Variants in ATP4B observed in about 807,000 individuals in gnomAD.
The protein encoded by ATP4B is ATPase H+/K+ transporting subunit beta, also known as potassium-transporting ATPase subunit beta.
A neutral mutation model predicts 35.3 loss-of-function variants in ATP4B; 27 were observed. The ratio of observed to expected loss-of-function variants is 0.76; its 90% CI spans 0.56 to 1.05. The LOEUF is 1.05. Among genes scored for constraint, ATP4B ranks in the 50% least tolerant of loss-of-function variants. ATP4B has a pLI of 0.00. For missense variants in ATP4B, 375 were observed against 384.8 expected (o/e 0.97, Z 0.21); for synonymous variants, 162 against 156.0 (o/e 1.04, Z -0.29).
At chr13:113,654,974 C>A (rs756069472) in intron 1 of ATP4B, 32 bp from the exon 2 acceptor site, 1 of 1,612,572 alleles carries the variant, frequency 6.2e-7, no homozygotes, top group African/African-American at 1.3e-5. Flanking sequence ...AAATTTACCA[C>A]GTCAGCCATT....
chr13:113,653,075 G>A lies in ATP4B; in HGVS notation c.356-3C>T. The A allele has an allele frequency of 1.2e-6, 2 of 1,605,308 alleles. No individual in the cohort carries two copies. Among genetic ancestry groups the A allele is most frequent in the Middle Eastern group, 1.7e-4 (1 of 5,940 alleles). On this transcript the variant is annotated splice_polypyrimidine_tract_variant and splice_region_variant and intron_variant, in intron 3 of 6. Coordinates refer to ENST00000335288, the MANE Select transcript of ATP4B (RefSeq NM_000705.4). ...CTCCTGGGCTGCTGGAGAGTAGCCT[G>A]CAGACGGACGCACCTGCCAGCCCTG...
Position 113,649,775 on chromosome 13 carries a change from T to TA in ATP4B, c.715-241dup, listed in dbSNP as rs1187056707. Among the ~76,000 whole-genome samples, 2 of 152,176 alleles carry TA rather than the reference T, an allele frequency of 1.3e-5. No individual in the cohort carries two copies. The highest frequency in any genetic ancestry group is 6.5e-5 in the Admixed American group (1 of 15,280). On this transcript the variant is annotated intron_variant, in intron 6 of 6. Transcript: ENST00000335288. This position sits in a 1 kb window ranked among gnomAD's most constrained non-coding sequence, Gnocchi z 4.7. Reference sequence around the variant, plus strand: ...AGGAGTAAATTCAGCTTCAAACTCTTACGATGATTAACGTAAAAATGAAAC... The same window carrying TA: ...AGGAGTAAATTCAGCTTCAAACTCTTAACGATGATTAACGTAAAAATGAAAC...
rs146718679 is a variant in ATP4B at position 113,653,399 on chromosome 13, C to T, written c.277G>A (p.Gly93Ser). Residue 93 changes from glycine to serine, a missense_variant, in exon 3 of 7, where the codon GGC (glycine) becomes AGC (serine). By Grantham distance (56) the Gly-to-Ser change is moderately conservative. Transcript: ENST00000335288. The part of the protein sequence containing the change: ...TLRPDVYGEK[G>S]LEIVYNVSDN... ...GAGACGTTGTAGACAATTTCCAGGC[C>T]TTTCTCCCCGTAAACATCCGGCCTT... 5 of 1,614,110 alleles carry T rather than the reference C, an allele frequency of 3.1e-6. No individual in the cohort carries two copies. In the African/African-American group the frequency reaches 5.3e-5, roughly 17 times the overall value.
rs866777428 is a variant in ATP4B at position 113,649,426 on chromosome 13, G to A, written c.824C>T (p.Pro275Leu). The A allele has an allele frequency of 1.9e-6, 3 of 1,587,222 alleles. No homozygotes were observed. The highest frequency in any genetic ancestry group is 2.3e-5 in the East Asian group (1 of 43,898). Residue 275 changes from proline to leucine, a missense_variant, in exon 7 of 7, where the codon CCC becomes CTC. Pro to Leu is a moderately conservative substitution (Grantham distance 98, BLOSUM62 -3). Coordinates refer to ENST00000335288, the MANE Select transcript of ATP4B (RefSeq NM_000705.4). The surrounding 1 kb of genome is among the most constrained non-coding windows in gnomAD (Gnocchi z 4.7). ...VMAEHVTFNNPHDPYEGKVEF... is the reference protein window; with the variant it reads ...VMAEHVTFNNLHDPYEGKVEF... ...CACTTTCCCTTCATACGGGTCGTGG[G>A]GATTGTTGAAGGTCACGTGCTCCGC...
chr13:113,652,651 G>A (rs1429459401), intron 4 of ATP4B: 2 of 648,660 alleles, frequency 3.1e-6, no homozygotes. Context: ...TGTTTTAGAG[G>A]GCCGGCTATG....
At chr13:113,653,997 C>T (rs939747817) in intron 2 of ATP4B, among the ~76,000 whole-genome samples, 4 of 152,148 alleles carry the variant, frequency 2.6e-5, no homozygotes, top group African/African-American at 4.8e-5. Flanking sequence ...AGGAACAGCC[C>T]GCCATCCACA....
rs1037730234 is a variant in ATP4B, at chr13:113,657,954, T to A, written c.112+79A>T. 2.9e-5 allele frequency: 36 copies of A among 1,225,532 alleles called. No individual in the cohort carries two copies. In the South Asian group the frequency reaches 4.2e-4, roughly 14 times the overall value. 75.9% of individuals were successfully genotyped at this position (1,225,532 alleles called of 1,614,324 possible). A position where few individuals can be genotyped will look rare whatever the true frequency, so the allele number is the denominator to read the frequency against. On this transcript the variant is annotated intron_variant, in intron 1 of 6. Transcript: ENST00000335288. ...CACTGTCAGGGGCCCTCTGCTCCCC[T>A]CCTCCTGAGCTCACCTGGAGGCTGC...
rs561169762 is a variant in ATP4B at position 113,650,728 on chromosome 13, G to A, written c.613-221C>T. On this transcript the variant is annotated intron_variant, in intron 5 of 6. Coordinates refer to ENST00000335288, the MANE Select transcript of ATP4B (RefSeq NM_000705.4). This position sits in a 1 kb window ranked among gnomAD's most constrained non-coding sequence, Gnocchi z 5.0. ...ATGCAAAATGCCCAGTGACCCCTCC[G>A]TGTGCCTCTAACAACTTGAAATGTT... Among the ~76,000 whole-genome samples, 84 of 152,278 alleles carry A rather than the reference G, an allele frequency of 5.5e-4. 2 individuals carry two copies. The South Asian group carries it at 0.016, about 29-fold the overall frequency.
chr13:113,655,066 C>T (rs970428235), intron 1 of ATP4B, 124 bp from the exon 2 acceptor site: 31 of 1,344,330 alleles, frequency 2.3e-5, no homozygotes, highest in Non-Finnish European at 2.5e-5. Context: ...GAACATTCTC[C>T]TCCCCCAAAA....
At position 113,658,151 on chromosome 13, in the gene ATP4B, T is replaced by G; in HGVS notation, c.-7A>C. On this transcript the variant is annotated 5_prime_UTR_variant, in exon 1 of 7. Coordinates refer to ENST00000335288, the MANE Select transcript of ATP4B (RefSeq NM_000705.4). ...TCTCCTGCAGAGCCGCCATCGTCCC[T>G]GGCCTGAGATCCTCCCGTCTGCTCC... The G allele has an allele frequency of 6.2e-7, 1 of 1,609,898 alleles. No individual in the cohort carries two copies. The highest frequency in any genetic ancestry group is 1.1e-5 in the South Asian group (1 of 90,324).
chr13:113,655,251 A>G (rs1294786983), intron 1 of ATP4B, among the ~76,000 whole-genome samples: 1 of 152,152 alleles, frequency 6.6e-6, no homozygotes, highest in African/African-American at 2.4e-5. Flanking sequence ...GTGGCCGAGG[A>G]TGCGCCACCA....
Position 113,649,199 on chromosome 13 carries a change from G to A in ATP4B, c.*175C>T, listed in dbSNP as rs1352453327. The stretch of plus-strand genomic sequence containing the variant: ...ATTCAACAAGGAAGAACTGATACTC[G>A]CGAGCAGGTCCTTCAGATGTGGGCG... On this transcript the variant is annotated 3_prime_UTR_variant, in exon 7 of 7. Coordinates refer to ENST00000335288, the MANE Select transcript of ATP4B (RefSeq NM_000705.4). This position sits in a 1 kb window ranked among gnomAD's most constrained non-coding sequence, Gnocchi z 4.7. The A allele has an allele frequency of 1.5e-5, 9 of 592,680 alleles. No individual in the cohort carries two copies. The highest frequency in any genetic ancestry group is 3.7e-5 in the Admixed American group (1 of 27,150). 36.7% of individuals were successfully genotyped at this position (592,680 alleles called of 1,614,324 possible).
In ATP4B at chr13:113,653,332, G is replaced by A; in HGVS notation, c.344C>T (p.Ala115Val). ...TWADLTQTLH[A>V]FLAGYSPAAQ... The stretch of plus-strand genomic sequence containing the variant: ...GTTTCACACCTCACCTGCTAGGAAG[G>A]CGTGGAGAGTCTGTGTGAGGTCTGC... The change falls in exon 3 of 7, where the codon GCC becomes GTC. Residue 115 changes from alanine (A) to valine (V), a missense_variant. Physicochemically the swap from Ala to Val is moderately conservative, Grantham distance 64. Transcript: ENST00000335288. 6.2e-7 allele frequency: 1 copy of A among 1,613,222 alleles called. No individual in the cohort carries two copies. The highest frequency in any genetic ancestry group is 8.5e-7 in the Non-Finnish European group (1 of 1,179,572).
Position 113,649,592 on chromosome 13 carries a change from G to C in ATP4B, c.715-57C>G, listed in dbSNP as rs534682984. On this transcript the variant is annotated intron_variant, in intron 6 of 6. Transcript: ENST00000335288. This position sits in a 1 kb window ranked among gnomAD's most constrained non-coding sequence, Gnocchi z 4.7. ...TCAAAAATCTCTGAAGTTAAGGAGA[G>C]AAAACTAAGCAAGGAAGTGTCAACA... 315 of 1,443,568 alleles carry C rather than the reference G, an allele frequency of 2.2e-4. No individual in the cohort carries two copies. Among genetic ancestry groups the C allele is most frequent in the Admixed American group, 3.1e-4 (11 of 35,288 alleles). 89.4% of individuals were successfully genotyped at this position (1,443,568 alleles called of 1,614,324 possible). A position where few individuals can be genotyped will look rare whatever the true frequency, so the allele number is the denominator to read the frequency against.
Position 113,649,249 on chromosome 13 carries a change from A to G in ATP4B, c.*125T>C. On this transcript the variant is annotated 3_prime_UTR_variant, in exon 7 of 7. Coordinates refer to ENST00000335288, the MANE Select transcript of ATP4B (RefSeq NM_000705.4). This position sits in a 1 kb window ranked among gnomAD's most constrained non-coding sequence, Gnocchi z 4.7. ...GCTTCTCTGGAGTTCGCACACTGAC[A>G]ACACCGTTGCTCCAAACCACTTTGG... 2.5e-6 allele frequency: 3 copies of G among 1,212,092 alleles called. No individual in the cohort carries two copies. Among genetic ancestry groups the G allele is most frequent in the Non-Finnish European group, 2.3e-6 (2 of 885,152 alleles). 75.1% of individuals were successfully genotyped at this position (1,212,092 alleles called of 1,614,324 possible). A position where few individuals can be genotyped will look rare whatever the true frequency, so the allele number is the denominator to read the frequency against.
rs570827420 is a variant in ATP4B, at chr13:113,650,298, A to G, written c.714+108T>C. On this transcript the variant is annotated intron_variant, in intron 6 of 6. Transcript: ENST00000335288. The surrounding 1 kb of genome is among the most constrained non-coding windows in gnomAD (Gnocchi z 5.0). ...CGTTCCAGTCAGGACCGGCTAAGTCACACCTTTGTTTCATTTTTCTACATG... is the reference window on the plus strand; with the variant it reads ...CGTTCCAGTCAGGACCGGCTAAGTCGCACCTTTGTTTCATTTTTCTACATG... The G allele has an allele frequency of 9.2e-7, 1 of 1,092,450 alleles. No homozygotes were observed. Among genetic ancestry groups the G allele is most frequent in the Admixed American group, 2.0e-5 (1 of 50,780 alleles). The allele number at this position is 1,092,450 out of a possible 1,614,324, so 67.7% of individuals were successfully genotyped here. A position where few individuals can be genotyped will look rare whatever the true frequency, so the allele number is the denominator to read the frequency against.
At position 113,653,428 on chromosome 13, in the gene ATP4B, G is replaced by A. The variant is rs376655942; in HGVS notation, c.248C>T (p.Thr83Ile). ...CTCCCCGTAAACATCCGGCCTTAAGGTTACCCCTGGAGAGAGAGACCTTTG... is the reference window on the plus strand; with the variant it reads ...CTCCCCGTAAACATCCGGCCTTAAGATTACCCCTGGAGAGAGAGACCTTTG... The part of the protein sequence containing the change: ...YQDQLRSPGV[T>I]LRPDVYGEKG... Residue 83 changes from threonine (T) to isoleucine (I), a missense_variant, in exon 3 of 7, where the codon ACC becomes ATC. By Grantham distance (89) the Thr-to-Ile change is moderately conservative. Transcript: ENST00000335288. 6.2e-7 allele frequency: 1 copy of A among 1,613,896 alleles called. No homozygotes were observed. The highest frequency in any genetic ancestry group is 8.5e-7 in the Non-Finnish European group (1 of 1,179,858).
intron 1 of ATP4B, among the ~76,000 whole-genome samples, chr13:113,656,043 G>A (rs1413016424): frequency 3.3e-5 from 5 of 152,204 alleles, no homozygotes; most frequent in Non-Finnish European, 7.3e-5. Flanking sequence ...TTTCCCCGCC[G>A]GGCGTCCCTG....
At chr13:113,656,775 GA>G (rs1346884005) in intron 1 of ATP4B, among the ~76,000 whole-genome samples, 3 of 152,154 alleles carry the variant, frequency 2.0e-5, no homozygotes, top group Non-Finnish European at 4.4e-5. Context: ...GCCAGGCAGT[GA>G]GACCATTCCA....
Sources: allele counts gnomAD v4.1 joint callset (sites outside exome capture counted in the v4.1 genomes callset), GRCh38; gene constraint gnomAD v4.1.1; non-coding constraint Gnocchi (gnomAD v3.1); transcripts MANE v1.5; gene names NCBI Gene and HGNC (gene_info 2026-07-23, HGNC 2026-07-21).